The following SDK1 variants were observed in gnomAD, a reference collection of about 807,000 sequenced individuals.
SDK1 encodes sidekick cell adhesion molecule 1, also known as protein sidekick-1.
SDK1 carries 157 observed loss-of-function variants against 245.5 expected under a neutral mutation model. That is an observed-to-expected ratio of 0.64 (90% CI 0.56 to 0.73). The LOEUF (loss-of-function observed/expected upper bound fraction) is 0.73. SDK1 is among the 30% of genes least tolerant of loss of function. The probability of loss-of-function intolerance (pLI) is 0.00; values close to 1 mark genes in which losing one functional copy is unlikely to be tolerated. For missense variants in SDK1, 3,583 were observed against 3,002.3 expected (o/e 1.19, Z -4.52); for synonymous variants, 1,647 against 1,278.5 (o/e 1.29, Z -6.15).
chr7:4,113,004 C>T (rs1433775207), intron 23 of SDK1, among the ~76,000 whole-genome samples: 6 of 152,128 alleles, frequency 3.9e-5, no homozygotes. Flanking sequence ...TCCCCCGCTG[C>T]CTCCTGCCTC....
chr7:3,526,028 A>G (rs1174343750), intron 1 of SDK1, among the ~76,000 whole-genome samples: 1 of 151,986 alleles, frequency 6.6e-6, no homozygotes, highest in Non-Finnish European at 1.5e-5. Context: ...TGAGGTCGGG[A>G]GTTTGAGACC....
intron 1 of SDK1, 125 bp from the exon 2 acceptor site, chr7:3,618,955 G>T: frequency 4.1e-6 from 3 of 728,336 alleles, no homozygotes; most frequent in Non-Finnish European, 6.5e-6. Flanking sequence ...CTTCTTAATT[G>T]GGCCAAACAG....
chr7:3,575,358 A>C (rs1780250303), intron 1 of SDK1, among the ~76,000 whole-genome samples: 1 of 151,942 alleles, frequency 6.6e-6, no homozygotes, highest in Non-Finnish European at 1.5e-5. Context: ...ACTTCTTCTA[A>C]CCCTTATTAT....
chr7:3,853,199 A>G (rs1292455224), intron 5 of SDK1, among the ~76,000 whole-genome samples: 1 of 152,170 alleles, frequency 6.6e-6, no homozygotes, highest in African/African-American at 2.4e-5. Flanking sequence ...GGTCATCTGT[A>G]CATTGACTTT....
rs116140746 is a variant in SDK1 at position 3,863,874 on chromosome 7, T to A, written c.847+42291T>A. On this transcript the variant is annotated intron_variant, in intron 5 of 44. Coordinates refer to ENST00000404826, the MANE Select transcript of SDK1 (RefSeq NM_152744.4). The stretch of plus-strand genomic sequence containing the variant: ...GGTTGTTTCTGCCTTTTGGCTGTTG[T>A]GAATCTGCTGCTATGAACATGGGTA... Among the ~76,000 whole-genome samples, 781 of 152,330 alleles carry A rather than the reference T, an allele frequency of 5.1e-3. 9 individuals carry two copies. The highest frequency in any genetic ancestry group is 0.018 in the African/African-American group (728 of 41,566).
chr7:3,644,243 TTATATA>T (rs66881824), intron 4 of SDK1, among the ~76,000 whole-genome samples: 12 of 145,300 alleles, frequency 8.3e-5, no homozygotes, highest in East Asian at 2.0e-4. Flanking sequence ...GAACAAAAAT[TTATATA>T]TATATATATA....
At chr7:4,215,930 G>A (rs180866855) in intron 38 of SDK1, among the ~76,000 whole-genome samples, 12 of 152,270 alleles carry the variant, frequency 7.9e-5, no homozygotes, top group South Asian at 6.2e-4. Flanking sequence ...ACTCTGCAGA[G>A]ACCACATGTC....
intron 4 of SDK1, among the ~76,000 whole-genome samples, chr7:3,648,261 A>G (rs1782908756): frequency 6.6e-6 from 1 of 152,218 alleles, no homozygotes; most frequent in African/African-American, 2.4e-5. Flanking sequence ...TTATGTTGGT[A>G]GTTATCAGAT....
chr7:4,230,754 G>C (rs1287704883), intron 40 of SDK1, among the ~76,000 whole-genome samples: 4 of 152,144 alleles, frequency 2.6e-5, no homozygotes. Flanking sequence ...GAACAGCCAG[G>C]TAAATGTGCT....
At position 3,813,469 on chromosome 7, in the gene SDK1, C is replaced by T. The variant is rs1253068393; in HGVS notation, c.714-7981C>T. ...TCATTTTTTATGGCTGCATAGTATT[C>T]CATGGTGTATATGTGCCACATTTTC... is the stretch of plus-strand genomic sequence containing the variant. On this transcript the variant is annotated intron_variant, in intron 4 of 44. Coordinates refer to ENST00000404826, the MANE Select transcript of SDK1 (RefSeq NM_152744.4). Among the ~76,000 whole-genome samples, 3 of 138,608 alleles carry T rather than the reference C, an allele frequency of 2.2e-5. No homozygotes were observed. In the East Asian group the frequency reaches 6.4e-4, roughly 30 times the overall value. 90.9% of individuals were successfully genotyped at this position (138,608 alleles called of 152,430 possible). A position where few individuals can be genotyped will look rare whatever the true frequency, so the allele number is the denominator to read the frequency against.
chr7:3,884,732 C>G (rs1781296460), intron 5 of SDK1, among the ~76,000 whole-genome samples: 2 of 152,194 alleles, frequency 1.3e-5, no homozygotes, highest in Non-Finnish European at 2.9e-5. Flanking sequence ...ATGGGCAGAG[C>G]CCATGAAGCA....
At chr7:3,713,728 A>T (rs542413642) in intron 4 of SDK1, among the ~76,000 whole-genome samples, 156 of 152,364 alleles carry the variant, frequency 1.0e-3, no homozygotes, top group African/African-American at 3.6e-3. Flanking sequence ...CATGTGGAGA[A>T]TGTACTCCCT....
At chr7:4,108,134 C>G (rs1013274054) in intron 22 of SDK1, among the ~76,000 whole-genome samples, 4 of 152,108 alleles carry the variant, frequency 2.6e-5, no homozygotes, top group South Asian at 4.2e-4. Flanking sequence ...CTCTTTTTGC[C>G]CATCAGGATT....
At chr7:3,737,314 G>A (rs1044863153) in intron 4 of SDK1, among the ~76,000 whole-genome samples, 1 of 152,216 alleles carries the variant, frequency 6.6e-6, no homozygotes, top group African/African-American at 2.4e-5. Context: ...GGTGGCTGCA[G>A]GCTGTGCTCT....
intron 4 of SDK1, among the ~76,000 whole-genome samples, chr7:3,737,659 C>G (rs1779356673): frequency 1.3e-5 from 2 of 152,218 alleles, no homozygotes; most frequent in South Asian, 4.1e-4. Flanking sequence ...GATACACGAG[C>G]TAGTTGCTTT....
intron 1 of SDK1, among the ~76,000 whole-genome samples, chr7:3,590,815 C>T (rs1366387726): frequency 7.2e-6 from 1 of 139,516 alleles, no homozygotes; most frequent in African/African-American, 2.7e-5. Context: ...CCTGGTCTTG[C>T]TCTGTCCCCC....
intron 25 of SDK1, among the ~76,000 whole-genome samples, chr7:4,122,045 C>T (rs577040514): frequency 6.6e-6 from 1 of 152,116 alleles, no homozygotes; most frequent in Non-Finnish European, 1.5e-5. Context: ...TTAGACCAGT[C>T]TCTCTTCTGG....
chr7:3,613,750 A>G (rs1457438472), intron 1 of SDK1, among the ~76,000 whole-genome samples: 1 of 152,244 alleles, frequency 6.6e-6, no homozygotes, highest in African/African-American at 2.4e-5. Context: ...GATAGACTGG[A>G]TAAAGAAAAT....
At chr7:3,874,335 C>T (rs540342849) in intron 5 of SDK1, among the ~76,000 whole-genome samples, 1 of 152,276 alleles carries the variant, frequency 6.6e-6, no homozygotes, top group Admixed American at 6.5e-5. Context: ...TGCACTGGTC[C>T]CCTCAGGGAA....
Sources: allele counts gnomAD v4.1 joint callset (sites outside exome capture counted in the v4.1 genomes callset), GRCh38; gene constraint gnomAD v4.1.1; transcripts MANE v1.5; gene names NCBI Gene and HGNC (gene_info 2026-07-23, HGNC 2026-07-21).